The following RABGAP1L variants were observed in gnomAD, a reference collection of about 807,000 sequenced individuals.
RABGAP1L encodes rab GTPase-activating protein 1-like.
In RABGAP1L, 63 loss-of-function variants were observed where a neutral mutation model predicts 137.7. The ratio of observed to expected loss-of-function variants is 0.46; its 90% CI spans 0.37 to 0.56. The LOEUF (loss-of-function observed/expected upper bound fraction) is 0.56, where lower values mean the gene tolerates loss of function less well. RABGAP1L is among the 20% of genes least tolerant of loss of function. The probability of loss-of-function intolerance (pLI) is 0.00; values close to 1 mark genes in which losing one functional copy is unlikely to be tolerated. For synonymous variants in RABGAP1L, 431 were observed against 433.7 expected, an observed-to-expected ratio of 0.99 and a Z score of 0.08; for missense variants, 1,095 against 1,244.0, an observed-to-expected ratio of 0.88 and a Z score of 1.80.
At chr1:174,613,895 T>C (rs546496587) in intron 13 of RABGAP1L, among the ~76,000 whole-genome samples, 1 of 152,250 alleles carries the variant, frequency 6.6e-6, no homozygotes, top group South Asian at 2.1e-4. Context: ...CCTTTTTTTG[T>C]TTTCCATTTG....
intron 19 of RABGAP1L, among the ~76,000 whole-genome samples, chr1:174,955,817 C>G (rs1024729780): frequency 8.5e-5 from 13 of 152,274 alleles, no homozygotes; most frequent in Admixed American, 7.8e-4. Flanking sequence ...CACAGTGGCT[C>G]AGGCCTGTAA....
At chr1:174,383,726 G>A (rs61828653) in intron 12 of RABGAP1L, among the ~76,000 whole-genome samples, 13,562 of 152,082 alleles carry the variant, frequency 0.089, 787 homozygotes, top group East Asian at 0.21. Flanking sequence ...TACCTCAGAT[G>A]GAAATGCAGA....
At chr1:174,774,052 A>G (rs939467567) in intron 18 of RABGAP1L, among the ~76,000 whole-genome samples, 1 of 152,248 alleles carries the variant, frequency 6.6e-6, no homozygotes, top group African/African-American at 2.4e-5. Flanking sequence ...ATCTTATCAG[A>G]ATAATATAAC....
At position 174,318,046 on chromosome 1, in the gene RABGAP1L, T is replaced by G. The variant is rs551283978; in HGVS notation, c.1465+12919T>G. ...GGGTGGTATTGGCAGTTCAGGACTG[T>G]TTTTTTTTTTTTCTATCTCTTCAGT... is the stretch of plus-strand genomic sequence containing the variant. On this transcript the variant is annotated intron_variant, in intron 11 of 25. Transcript: ENST00000681986. 7.0e-4 allele frequency among the ~76,000 whole-genome samples: 47 copies of G among 67,076 alleles called. No individual in the cohort carries two copies. The East Asian group carries it at 0.011, about 15-fold the overall frequency. 44.0% of individuals were successfully genotyped at this position (67,076 alleles called of 152,430 possible). A position where few individuals can be genotyped will look rare whatever the true frequency, so the allele number is the denominator to read the frequency against.
intron 19 of RABGAP1L, among the ~76,000 whole-genome samples, chr1:174,956,087 C>T (rs1385051647): frequency 6.6e-6 from 1 of 152,056 alleles, no homozygotes; most frequent in Non-Finnish European, 1.5e-5. Flanking sequence ...ATAAACCAGG[C>T]ATTGTTTTAG....
At chr1:174,183,867 CTTT>C (rs772022782) in intron 1 of RABGAP1L, among the ~76,000 whole-genome samples, 1 of 130,522 alleles carries the variant, frequency 7.7e-6, no homozygotes. Context: ...TTCAGATTGG[CTTT>C]TTTTTTTTTT....
intron 13 of RABGAP1L, among the ~76,000 whole-genome samples, chr1:174,620,305 C>G (rs958749201): frequency 6.6e-6 from 1 of 152,222 alleles, no homozygotes; most frequent in Non-Finnish European, 1.5e-5. Flanking sequence ...CTGCAGAACT[C>G]TTCACCCCAA....
intron 19 of RABGAP1L, among the ~76,000 whole-genome samples, chr1:174,905,611 G>A (rs1658917053): frequency 6.6e-6 from 1 of 152,178 alleles, no homozygotes; most frequent in Admixed American, 6.5e-5. Flanking sequence ...AGCACTTTAG[G>A]AGGCCAAGGT....
rs370141353 is a variant in RABGAP1L at position 174,710,056 on chromosome 1, A to G, written c.2169+7800A>G. The stretch of plus-strand genomic sequence containing the variant: ...TAGCCAAATTGATCAAGTGGAAGAA[A>G]GGATATCAGCGATTGAAGATCAACT... On this transcript the variant is annotated intron_variant, in intron 17 of 25. Coordinates refer to ENST00000681986, the MANE Select transcript of RABGAP1L (RefSeq NM_001366446.1). Among the ~76,000 whole-genome samples, 195 of 152,352 alleles carry G rather than the reference A, an allele frequency of 1.3e-3. 1 individual carries two copies. The highest frequency in any genetic ancestry group is 4.4e-3 in the African/African-American group (182 of 41,586).
At chr1:174,616,286 A>G (rs1374083347) in intron 13 of RABGAP1L, among the ~76,000 whole-genome samples, 2 of 152,124 alleles carry the variant, frequency 1.3e-5, no homozygotes, top group Non-Finnish European at 2.9e-5. Context: ...CCTTGTCATT[A>G]TCTTTGGTTA....
At chr1:174,523,531 G>A (rs1663609940) in intron 13 of RABGAP1L, among the ~76,000 whole-genome samples, 1 of 152,084 alleles carries the variant, frequency 6.6e-6, no homozygotes, top group South Asian at 2.1e-4. Context: ...ATGTATTTAT[G>A]GGGTACATGT....
At chr1:174,868,732 T>A (rs1169822681) in intron 19 of RABGAP1L, among the ~76,000 whole-genome samples, 1 of 152,290 alleles carries the variant, frequency 6.6e-6, no homozygotes, top group East Asian at 1.9e-4. Context: ...ATTGATTAAA[T>A]TCTGTTTGCA....
intron 13 of RABGAP1L, among the ~76,000 whole-genome samples, chr1:174,506,198 G>A (rs1661799399): frequency 6.6e-6 from 1 of 152,162 alleles, no homozygotes; most frequent in South Asian, 2.1e-4. Flanking sequence ...GGAGGAATAA[G>A]TTCAAGAGAT....
intron 11 of RABGAP1L, among the ~76,000 whole-genome samples, chr1:174,332,602 G>T (rs1571261032): frequency 1.3e-5 from 2 of 152,070 alleles, no homozygotes; most frequent in East Asian, 3.9e-4. Flanking sequence ...TCCCATTTTG[G>T]CCAGGCTGGT....
chr1:174,855,683 G>T (rs1184096151), intron 19 of RABGAP1L, among the ~76,000 whole-genome samples: 1 of 152,196 alleles, frequency 6.6e-6, no homozygotes, highest in Non-Finnish European at 1.5e-5. Flanking sequence ...CATGGCTCTT[G>T]AGAGCCTGTT....
At chr1:174,475,917 G>GTA (rs1244829526) in intron 13 of RABGAP1L, among the ~76,000 whole-genome samples, 1 of 149,014 alleles carries the variant, frequency 6.7e-6, no homozygotes, top group African/African-American at 2.5e-5. Context: ...CATTATATAT[G>GTA]TATAATTAAC....
chr1:174,616,691 T>C (rs984303359), intron 13 of RABGAP1L, among the ~76,000 whole-genome samples: 2 of 152,210 alleles, frequency 1.3e-5, no homozygotes, highest in South Asian at 4.1e-4. Context: ...GTTCACTCCA[T>C]TGCGGTTGAG....
intron 13 of RABGAP1L, among the ~76,000 whole-genome samples, chr1:174,522,196 G>A (rs1663460725): frequency 6.6e-6 from 1 of 152,108 alleles, no homozygotes; most frequent in African/African-American, 2.4e-5. Context: ...TTCTGTAGAG[G>A]GTAAAATATA....
chr1:174,220,939 A>T lies in RABGAP1L; in HGVS notation c.139-33A>T, dbSNP rs760635522. On this transcript the variant is annotated intron_variant, in intron 2 of 25. Coordinates refer to ENST00000681986, the MANE Select transcript of RABGAP1L (RefSeq NM_001366446.1). ...AAATTTAGCTTCAGAACTATGGTAG[A>T]ATTGAAACAGAATTGTCTTGCTGTG... 2.0e-6 allele frequency: 3 copies of T among 1,509,450 alleles called. No homozygotes were observed. In the African/African-American group the frequency reaches 4.2e-5, roughly 21 times the overall value. 93.5% of individuals were successfully genotyped at this position (1,509,450 alleles called of 1,614,324 possible). A position where few individuals can be genotyped will look rare whatever the true frequency, so the allele number is the denominator to read the frequency against.
Sources: allele counts gnomAD v4.1 joint callset (sites outside exome capture counted in the v4.1 genomes callset), GRCh38; gene constraint gnomAD v4.1.1; transcripts MANE v1.5; gene names NCBI Gene and HGNC (gene_info 2026-07-23, HGNC 2026-07-21).